The following PRR16 variants were observed in gnomAD, a reference collection of about 807,000 sequenced individuals.
PRR16 encodes the protein protein Largen.
PRR16 carries 6 observed loss-of-function variants against 18.2 expected under a neutral mutation model. That is an observed-to-expected ratio of 0.33 (90% CI 0.18 to 0.65). The LOEUF (loss-of-function observed/expected upper bound fraction) is 0.65. Among genes scored for constraint, PRR16 ranks in the 30% least tolerant of loss-of-function variants. The probability of loss-of-function intolerance (pLI) is 0.74; values close to 1 mark genes in which losing one functional copy is unlikely to be tolerated. For missense variants in PRR16, 412 were observed against 376.6 expected, an observed-to-expected ratio of 1.09 and a Z score of -0.78; for synonymous variants, 151 against 147.8, an observed-to-expected ratio of 1.02 and a Z score of -0.16.
At chr5:120,638,737 T>C (rs1468773832) in intron 1 of PRR16, among the ~76,000 whole-genome samples, 1 of 152,040 alleles carries the variant, frequency 6.6e-6, no homozygotes, top group Non-Finnish European at 1.5e-5. Context: ...ACATATACCC[T>C]AACACACTCA....
the PRR16 span, among the ~76,000 whole-genome samples, chr5:120,775,932 G>A: frequency 3.2e-3 from 487 of 151,514 alleles, 5 homozygotes; most frequent in African/African-American, 0.011. Context: ...ACAGGTGTGA[G>A]CCACCATGCC....
chr5:120,758,163 A>G, the PRR16 span, among the ~76,000 whole-genome samples: 1 of 151,966 alleles, frequency 6.6e-6, no homozygotes, highest in African/African-American at 2.4e-5. Context: ...ATTTGGAATC[A>G]AATTTGATGC....
chr5:120,597,336 G>A (rs1717019769), intron 1 of PRR16, among the ~76,000 whole-genome samples: 1 of 151,486 alleles, frequency 6.6e-6, no homozygotes, highest in African/African-American at 2.4e-5. Flanking sequence ...TTGTTAAGAA[G>A]TCCATTTGTA....
chr5:120,544,395 G>A (rs300967), intron 1 of PRR16, among the ~76,000 whole-genome samples: 1 of 152,110 alleles, frequency 6.6e-6, no homozygotes, highest in African/African-American at 2.4e-5. Context: ...TCCTTTGTAT[G>A]CTAGTCTGTA....
chr5:120,553,509 T>C (rs1465261516), intron 1 of PRR16, among the ~76,000 whole-genome samples: 1 of 151,956 alleles, frequency 6.6e-6, no homozygotes, highest in Non-Finnish European at 1.5e-5. Context: ...ATATACTCCA[T>C]TGTCTTCACA....
intron 1 of PRR16, among the ~76,000 whole-genome samples, chr5:120,506,059 A>C (rs1750636782): frequency 6.6e-6 from 1 of 151,540 alleles, no homozygotes; most frequent in Admixed American, 6.6e-5. Context: ...ACAACCAATG[A>C]AACTTTTCTT....
intron 1 of PRR16, among the ~76,000 whole-genome samples, chr5:120,637,685 T>C (rs1195995693): frequency 3.9e-5 from 6 of 151,936 alleles, no homozygotes; most frequent in Admixed American, 2.6e-4. Flanking sequence ...AGACTATACA[T>C]TGGGTACAGG....
chr5:120,755,410 G>T, the PRR16 span, among the ~76,000 whole-genome samples: 3 of 151,954 alleles, frequency 2.0e-5, no homozygotes, highest in African/African-American at 7.2e-5. Flanking sequence ...TCAGTCTCCA[G>T]AGTCTATTGT....
the PRR16 span, among the ~76,000 whole-genome samples, chr5:120,770,418 C>G: frequency 4.0e-5 from 6 of 151,860 alleles, no homozygotes; most frequent in African/African-American, 1.4e-4. Flanking sequence ...ACAGAAAAAT[C>G]AACTTTAAAT....
chr5:120,663,426 A>T (rs567012776), intron 1 of PRR16, among the ~76,000 whole-genome samples: 40 of 150,624 alleles, frequency 2.7e-4, no homozygotes. Flanking sequence ...TGAAAAGGTT[A>T]AAAAGGTTGA....
At chr5:120,785,105 C>T in the PRR16 span, among the ~76,000 whole-genome samples, 2 of 152,194 alleles carry the variant, frequency 1.3e-5, no homozygotes, top group Non-Finnish European at 2.9e-5. Context: ...CTACAGTAGG[C>T]CACACTTGCT....
At chr5:120,787,473 T>G in the PRR16 span, among the ~76,000 whole-genome samples, 1 of 152,106 alleles carries the variant, frequency 6.6e-6, no homozygotes, top group African/African-American at 2.4e-5. Flanking sequence ...AGACTTCTAA[T>G]GGTAAGATGA....
At chr5:120,718,022 C>A in the PRR16 span, among the ~76,000 whole-genome samples, 3 of 152,000 alleles carry the variant, frequency 2.0e-5, no homozygotes, top group Non-Finnish European at 1.5e-5. Flanking sequence ...AGATAAAAGC[C>A]TTGTGGATTC....
the PRR16 span, among the ~76,000 whole-genome samples, chr5:120,730,846 C>T: frequency 6.6e-6 from 1 of 152,126 alleles, no homozygotes; most frequent in Non-Finnish European, 1.5e-5. Context: ...TCTAGCACTA[C>T]CACATCATCT....
chr5:120,567,468 A>G (rs968178569), intron 1 of PRR16, among the ~76,000 whole-genome samples: 2 of 152,124 alleles, frequency 1.3e-5, no homozygotes, highest in African/African-American at 4.8e-5. Flanking sequence ...TATTATCATT[A>G]TTACAACTTC....
chr5:120,601,412 A>G (rs1226165388), intron 1 of PRR16, among the ~76,000 whole-genome samples: 4 of 151,682 alleles, frequency 2.6e-5, no homozygotes, highest in Admixed American at 2.0e-4. Flanking sequence ...CTATTTTCTT[A>G]ATGGTGTTTG....
chr5:120,713,754 G>T, the PRR16 span, among the ~76,000 whole-genome samples: 4 of 151,886 alleles, frequency 2.6e-5, no homozygotes, highest in African/African-American at 7.3e-5. Context: ...TAATTTTAAG[G>T]TTAATAATTG....
Position 120,686,296 on chromosome 5 carries a change from A to C in PRR16, c.502A>C (p.Asn168His), listed in dbSNP as rs367677114. Reference protein sequence around the residue: ...GLPGGPNKIPNGDICCIPNSN... With the variant: ...GLPGGPNKIPHGDICCIPNSN... ...ACCAGGTGGACCTAACAAAATTCCA[A>C]ATGGAGATATCTGCTGCATACCCAA... The change falls in exon 2 of 2, where the codon AAT becomes CAT. Residue 168 changes from asparagine to histidine, a missense_variant. Asn to His is a moderately conservative substitution (Grantham distance 68, BLOSUM62 1). Coordinates refer to ENST00000407149, the MANE Select transcript of PRR16 (RefSeq NM_001300783.2). 27 of 1,613,934 alleles carry C rather than the reference A, an allele frequency of 1.7e-5. No homozygotes were observed. Among genetic ancestry groups the C allele is most frequent in the Non-Finnish European group, 2.2e-5 (26 of 1,180,004 alleles).
At chr5:120,653,888 C>G (rs1175339946) in intron 1 of PRR16, among the ~76,000 whole-genome samples, 1 of 152,000 alleles carries the variant, frequency 6.6e-6, no homozygotes, top group Admixed American at 6.6e-5. Flanking sequence ...ATGACCCCTC[C>G]TCACTATCTG....
Sources: allele counts gnomAD v4.1 joint callset (sites outside exome capture counted in the v4.1 genomes callset), GRCh38; gene constraint gnomAD v4.1.1; transcripts MANE v1.5; gene names NCBI Gene and HGNC (gene_info 2026-07-23, HGNC 2026-07-21).